SHANK2: variants seen among roughly 807,000 people sequenced by gnomAD.
SHANK2 encodes the protein SH3 and multiple ankyrin repeat domains protein 2.
In SHANK2, 43 loss-of-function variants were observed where a neutral mutation model predicts 133.7. The ratio of observed to expected loss-of-function variants is 0.32; its 90% confidence interval spans 0.25 to 0.41. The LOEUF is 0.41. SHANK2 is among the 10% of genes least tolerant of loss of function. SHANK2 has a pLI of 1.00. For synonymous variants in SHANK2, 1,017 were observed against 952.8 expected, an observed-to-expected ratio of 1.07 and a Z score of -1.24; for missense variants, 1,994 against 2,235.8, an observed-to-expected ratio of 0.89 and a Z score of 2.18.
chr11:70,812,516 C>T (rs1244383096), intron 12 of SHANK2, among the ~76,000 whole-genome samples: 2 of 152,222 alleles, frequency 1.3e-5, no homozygotes, highest in African/African-American at 4.8e-5. Context: ...CACATCCTAG[C>T]TCGGGGTTCC....
intron 15 of SHANK2, among the ~76,000 whole-genome samples, chr11:70,689,637 C>T (rs1945233007): frequency 6.6e-6 from 1 of 152,148 alleles, no homozygotes; most frequent in East Asian, 1.9e-4. Context: ...CAGGGATAAA[C>T]AGGAACATTG....
chr11:70,747,307 G>C (rs1555036437), intron 14 of SHANK2, among the ~76,000 whole-genome samples: 1 of 152,116 alleles, frequency 6.6e-6, no homozygotes, highest in African/African-American at 2.4e-5. Flanking sequence ...TCCAGAACTA[G>C]CCCTGGGCAG....
At chr11:70,813,002 C>A (rs537154796) in intron 12 of SHANK2, among the ~76,000 whole-genome samples, 16 of 152,290 alleles carry the variant, frequency 1.1e-4, no homozygotes, top group African/African-American at 3.4e-4. Context: ...TTTCTCCATT[C>A]ATTCATTCAC....
chr11:70,821,833 G>T (rs1555056006), intron 11 of SHANK2, among the ~76,000 whole-genome samples: 1 of 152,170 alleles, frequency 6.6e-6, no homozygotes, highest in African/African-American at 2.4e-5. Context: ...CACTAAGAAG[G>T]TGCCTTCCTC....
chr11:71,058,819 C>G (rs2135926429), intron 9 of SHANK2, among the ~76,000 whole-genome samples: 1 of 152,388 alleles, frequency 6.6e-6, no homozygotes, highest in African/African-American at 2.4e-5. Context: ...GTCAGAGACC[C>G]CAGCCCGGGC....
At chr11:70,503,854 G>A (rs984377511) in intron 17 of SHANK2, among the ~76,000 whole-genome samples, 1 of 152,248 alleles carries the variant, frequency 6.6e-6, no homozygotes, top group Non-Finnish European at 1.5e-5. Context: ...GACTGGAACT[G>A]GGTGGGCGTC....
chr11:70,746,079 G>T (rs525258), intron 14 of SHANK2, among the ~76,000 whole-genome samples: 67,651 of 152,092 alleles, frequency 0.44, 15,352 homozygotes, highest in African/African-American at 0.52. Context: ...GTGCTGACCC[G>T]AGACAGGGCT....
intron 17 of SHANK2, among the ~76,000 whole-genome samples, chr11:70,529,139 A>G (rs551092820): frequency 6.6e-6 from 1 of 152,230 alleles, no homozygotes; most frequent in African/African-American, 2.4e-5. Context: ...CCAGTGGCAC[A>G]CCAGGCCAGG....
At chr11:71,106,410 T>C (rs1555097911) in intron 6 of SHANK2, among the ~76,000 whole-genome samples, 2 of 152,156 alleles carry the variant, frequency 1.3e-5, no homozygotes. Context: ...AAGACCAGCC[T>C]GGGTCACATA....
At chr11:70,808,374 G>A (rs190268140) in intron 12 of SHANK2, among the ~76,000 whole-genome samples, 1 of 151,802 alleles carries the variant, frequency 6.6e-6, no homozygotes, top group Non-Finnish European at 1.5e-5. Flanking sequence ...GCTACTTTTT[G>A]TATTTTTAGT....
At chr11:70,613,313 C>T (rs1300913043) in intron 17 of SHANK2, among the ~76,000 whole-genome samples, 1 of 151,966 alleles carries the variant, frequency 6.6e-6, no homozygotes, top group Non-Finnish European at 1.5e-5. Flanking sequence ...ATGCCATTCT[C>T]CTGCCTCCGC....
At chr11:71,068,170 A>C (rs1215205616) in intron 9 of SHANK2, among the ~76,000 whole-genome samples, 5 of 152,218 alleles carry the variant, frequency 3.3e-5, no homozygotes, top group African/African-American at 1.2e-4. Context: ...CACTGCCATC[A>C]TCATTAGTAC....
At chr11:71,094,464 C>G in intron 7 of SHANK2, 73 bp downstream of exon 7, 3 of 1,444,890 alleles carry the variant, frequency 2.1e-6, no homozygotes, top group Non-Finnish European at 2.8e-6. Context: ...ATGGGCACTG[C>G]GGGGATGGGA....
intron 14 of SHANK2, among the ~76,000 whole-genome samples, chr11:70,776,704 C>G (rs1163171910): frequency 6.6e-6 from 1 of 151,622 alleles, no homozygotes; most frequent in African/African-American, 2.4e-5. Flanking sequence ...TCCCACCTAC[C>G]CACCTAACTG....
chr11:70,542,182 G>A (rs1303085433), intron 17 of SHANK2, among the ~76,000 whole-genome samples: 1 of 152,234 alleles, frequency 6.6e-6, no homozygotes, highest in African/African-American at 2.4e-5. Context: ...CCTGGCACCT[G>A]CCAATGTGAC....
rs1168855149 is a variant in SHANK2, at chr11:70,470,626, C to G, written c.*2243G>C. On this transcript the variant is annotated 3_prime_UTR_variant, in exon 26 of 26. Transcript: ENST00000601538. ...TTACATTTTCTAAAATATGGGGCAG[C>G]CTCAGCAGGCCACCTGTAGTATCCT... 1 of 152,526 alleles carries G rather than the reference C, an allele frequency of 6.6e-6. No homozygotes were observed. Among genetic ancestry groups the G allele is most frequent in the African/African-American group, 2.4e-5 (1 of 41,436 alleles). The allele number at this position is 152,526 out of a possible 1,614,324, so 9.4% of individuals were successfully genotyped here.
chr11:71,230,896 G>A (rs559389232), intron 1 of SHANK2, among the ~76,000 whole-genome samples: 1 of 152,150 alleles, frequency 6.6e-6, no homozygotes, highest in East Asian at 1.9e-4. Context: ...TCAACCTAAG[G>A]GTCATGCCTT....
At chr11:71,198,366 G>A (rs903803517) in intron 2 of SHANK2, among the ~76,000 whole-genome samples, 1 of 152,194 alleles carries the variant, frequency 6.6e-6, no homozygotes, top group African/African-American at 2.4e-5. Flanking sequence ...GTTTGGAGGG[G>A]CCGGCAGCTC....
intron 10 of SHANK2, chr11:70,907,888 G>A (rs1012615371): frequency 2.2e-6 from 1 of 454,238 alleles, no homozygotes; most frequent in African/African-American, 2.0e-5. Flanking sequence ...GATCACTTAA[G>A]GTCAAGAGTT....
Sources: gnomAD v4.1 joint callset for allele counts (sites outside exome capture counted in the v4.1 genomes callset) on GRCh38, gnomAD v4.1.1 for gene constraint, MANE v1.5 for transcripts, NCBI Gene and HGNC (gene_info 2026-07-23, HGNC 2026-07-21) for gene names.